Variants in MAP3K15 observed in about 807,000 individuals in gnomAD.
MAP3K15 encodes the protein MAPK/ERK kinase kinase 15.
A neutral mutation model predicts 99.5 loss-of-function variants in MAP3K15; 124 were observed. The observed-to-expected ratio is 1.25, with a 90% confidence interval of 1.08 to 1.45. The LOEUF is 1.45. MAP3K15 is among the 40% of genes most tolerant of loss of function. The probability of loss-of-function intolerance (pLI) is 0.00; values close to 1 mark genes in which losing one functional copy is unlikely to be tolerated. For synonymous variants in MAP3K15, 494 were observed against 439.6 expected, an observed-to-expected ratio of 1.12 and a Z score of -1.55; for missense variants, 1,242 against 1,079.7, an observed-to-expected ratio of 1.15 and a Z score of -2.11.
Position 19,515,197 on chromosome X carries a change from C to A in MAP3K15, c.65G>T (p.Cys22Phe). 4 of 869,098 alleles carry A rather than the reference C, an allele frequency of 4.6e-6. No individual in the cohort carries two copies. Among genetic ancestry groups the A allele is most frequent in the Non-Finnish European group, 5.6e-6 (4 of 711,803 alleles). 71.6% of individuals were successfully genotyped at this position (869,098 alleles called of 1,213,427 possible). The change falls in exon 1 of 29, where the codon TGC (cysteine) becomes TTC (phenylalanine). Residue 22 changes from cysteine to phenylalanine, a missense_variant. Coordinates refer to ENST00000338883, the MANE Select transcript of MAP3K15 (RefSeq NM_001001671.4). ...GCCCTCCACCCCCGGCGGCGGCGGG[C>A]ACTGAGGGGACTCGCTCGCCGCCCC... ...ALGAASESPQ[C>F]PPPPGVEGAA...
intron 1 of MAP3K15, among the ~76,000 whole-genome samples, chrX:19,507,179 A>G (rs1427487369): frequency 8.9e-6 from 1 of 112,074 alleles, no homozygotes; most frequent in African/African-American, 3.2e-5. Flanking sequence ...GGTGTACTCC[A>G]TGAAGACAAA....
rs185465571 is a variant in MAP3K15 at position 19,413,394 on chromosome X, C to T, written c.1661G>A (p.Arg554Lys). 40 of 1,205,139 alleles carry T rather than the reference C, an allele frequency of 3.3e-5. 1 individual carries two copies. In the Middle Eastern group the frequency reaches 2.3e-3, roughly 70 times the overall value. ...TGAGACATGCCATAAAGAAACTGTT[C>T]TCTCCTCGGCTTCATTGTTTATGGA... The part of the protein sequence containing the change: ...YVSINNEAEE[R>K]TVSLWHVSPT... Residue 554 changes from arginine (R) to lysine (K), a missense_variant, in exon 11 of 29, where the codon AGA (arginine) becomes AAA (lysine). Physicochemically the swap from Arg to Lys is conservative, Grantham distance 26 (BLOSUM62 2). Transcript: ENST00000338883.
chrX:19,398,109 C>A, intron 15 of MAP3K15, 117 bp downstream of exon 15: 3 of 708,541 alleles, frequency 4.2e-6, no homozygotes, highest in Non-Finnish European at 4.1e-6. Context: ...AAGAGAATGA[C>A]AGGTTTTGTG....
chrX:19,425,835 T>C (rs1414958307), intron 8 of MAP3K15, 145 bp from the exon 9 acceptor site: 1 of 599,171 alleles, frequency 1.7e-6, no homozygotes, highest in Non-Finnish European at 2.5e-6. Flanking sequence ...ATAATTCTAG[T>C]AGTACGGGCA....
chrX:19,456,779 A>G (rs933593234), intron 6 of MAP3K15, 134 bp downstream of exon 6: 1 of 448,280 alleles, frequency 2.2e-6, no homozygotes. Context: ...GAGGACAAAG[A>G]CTGGACCTTG....
chrX:19,511,385 C>T (rs1344790963), intron 1 of MAP3K15, among the ~76,000 whole-genome samples: 1 of 111,699 alleles, frequency 9.0e-6, no homozygotes, highest in Non-Finnish European at 1.9e-5. Context: ...GAACAGGCAA[C>T]CTACAGAATG....
intron 9 of MAP3K15, among the ~76,000 whole-genome samples, chrX:19,422,862 G>T (rs963871975): frequency 9.0e-6 from 1 of 111,124 alleles, no homozygotes; most frequent in African/African-American, 3.3e-5. Flanking sequence ...AAAAGGACGA[G>T]TTCATGTCCT....
At chrX:19,383,752 C>A (rs981917519) in intron 18 of MAP3K15, among the ~76,000 whole-genome samples, 13 of 111,919 alleles carry the variant, frequency 1.2e-4, no homozygotes, top group African/African-American at 3.9e-4. Context: ...CATCCCTAAT[C>A]ATCAGAAAAA....
chrX:19,361,601 G>A lies in MAP3K15; in HGVS notation c.3680-8C>T, dbSNP rs779385101. 35 of 1,148,244 alleles carry A rather than the reference G, an allele frequency of 3.0e-5. No homozygotes were observed. Among genetic ancestry groups the A allele is most frequent in the Middle Eastern group, 2.4e-4 (1 of 4,198 alleles). The allele number at this position is 1,148,244 out of a possible 1,213,427, so 94.6% of individuals were successfully genotyped here. A position where few individuals can be genotyped will look rare whatever the true frequency, so the allele number is the denominator to read the frequency against. On this transcript the variant is annotated splice_region_variant and splice_polypyrimidine_tract_variant and intron_variant, in intron 26 of 28. Transcript: ENST00000338883. ...CTGGGTTCTCTGTAATACCTGTAAC[G>A]ATTGGCAATTTGTTATATATTAGTC...
chrX:19,421,504 A>C (rs1357345560), intron 9 of MAP3K15, among the ~76,000 whole-genome samples: 1 of 110,945 alleles, frequency 9.0e-6, no homozygotes, highest in East Asian at 2.8e-4. Context: ...GGAGAACTAC[A>C]AACCACTGCT....
chrX:19,376,707 A>G (rs2147223467), intron 19 of MAP3K15: 1 of 110,301 alleles, frequency 9.1e-6, no homozygotes, highest in South Asian at 3.9e-4. Flanking sequence ...GGCCTCCCAA[A>G]GTGCTGGGAT....
At chrX:19,415,990 C>T (rs1312772671) in intron 9 of MAP3K15, among the ~76,000 whole-genome samples, 4 of 111,562 alleles carry the variant, frequency 3.6e-5, no homozygotes, top group African/African-American at 1.3e-4. Context: ...TCATAGCCAC[C>T]TCCTGTTGCT....
chrX:19,424,857 G>A (rs374369173), intron 9 of MAP3K15, among the ~76,000 whole-genome samples: 2 of 103,745 alleles, frequency 1.9e-5, no homozygotes, highest in African/African-American at 7.1e-5. Context: ...CTATTACCCA[G>A]TCTGGTCTCA....
At chrX:19,376,406 C>T (rs928506382) in intron 19 of MAP3K15, among the ~76,000 whole-genome samples, 4 of 110,150 alleles carry the variant, frequency 3.6e-5, no homozygotes, top group East Asian at 2.8e-4. Context: ...CCCTGGGAAT[C>T]GTACTTTGTC....
intron 3 of MAP3K15, among the ~76,000 whole-genome samples, chrX:19,469,543 G>T (rs2064192475): frequency 9.0e-6 from 1 of 110,550 alleles, no homozygotes; most frequent in South Asian, 3.8e-4. Context: ...AGCCAAAATT[G>T]ACAAATGGGA....
intron 15 of MAP3K15, among the ~76,000 whole-genome samples, chrX:19,396,737 ACACATTATTCTTCAG>A (rs1361819046): frequency 1.8e-5 from 2 of 111,320 alleles, no homozygotes; most frequent in East Asian, 5.6e-4. Flanking sequence ...ATGGGTGTTT[ACACATTATTCTTCAG>A]CACTCGACAC....
At chrX:19,513,966 C>G (rs2064538421) in intron 1 of MAP3K15, among the ~76,000 whole-genome samples, 1 of 110,891 alleles carries the variant, frequency 9.0e-6, no homozygotes, top group South Asian at 3.9e-4. Flanking sequence ...GAGTCCCACT[C>G]CAGCAAAGGT....
At position 19,430,123 on chromosome X, in the gene MAP3K15, A is replaced by G. The variant is rs182936174; in HGVS notation, c.1166+1315T>C. 1.6e-3 allele frequency among the ~76,000 whole-genome samples: 176 copies of G among 112,412 alleles called. 1 individual carries two copies. Among genetic ancestry groups the G allele is most frequent in the African/African-American group, 5.2e-3 (161 of 30,988 alleles). On this transcript the variant is annotated intron_variant, in intron 7 of 28. Coordinates refer to ENST00000338883, the MANE Select transcript of MAP3K15 (RefSeq NM_001001671.4). Reference sequence around the variant, plus strand: ...CAACTTTGCTATTCCTCCTAGCCAGAGGTGGAGCACATTCCTCCACCCTTT... The same window carrying G: ...CAACTTTGCTATTCCTCCTAGCCAGGGGTGGAGCACATTCCTCCACCCTTT...
chrX:19,431,611 G>T lies in MAP3K15; in HGVS notation c.996-3C>A. On this transcript the variant is annotated splice_polypyrimidine_tract_variant and splice_region_variant and intron_variant, in intron 6 of 28. Coordinates refer to ENST00000338883, the MANE Select transcript of MAP3K15 (RefSeq NM_001001671.4). Reference sequence around the variant, plus strand: ...CACGGTCACCTGTGCTGTTTCTCCTGAAAGATAGATGTTATAAGGTCACAA... The same window carrying T: ...CACGGTCACCTGTGCTGTTTCTCCTTAAAGATAGATGTTATAAGGTCACAA... The T allele has an allele frequency of 8.4e-7, 1 of 1,193,040 alleles. No individual in the cohort carries two copies. The highest frequency in any genetic ancestry group is 1.1e-6 in the Non-Finnish European group (1 of 890,789).
Sources: allele counts gnomAD v4.1 joint callset (sites outside exome capture counted in the v4.1 genomes callset), GRCh38; gene constraint gnomAD v4.1.1; transcripts MANE v1.5; gene names NCBI Gene and HGNC (gene_info 2026-07-23, HGNC 2026-07-21).